NRXN3: variants seen among roughly 807,000 people sequenced by gnomAD.
NRXN3 encodes the protein neurexin 3, also known as neurexin III.
Under a neutral mutation model 137.6 loss-of-function variants are expected in NRXN3, and 32 were observed. The observed-to-expected ratio is 0.23, with a 90% CI of 0.18 to 0.31. The LOEUF is 0.31. Among genes scored for constraint, NRXN3 ranks in the 10% least tolerant of loss-of-function variants. The pLI, the probability that NRXN3 is intolerant of heterozygous loss-of-function variation, is 1.00. For synonymous variants in NRXN3, 798 were observed against 784.5 expected (o/e 1.02, Z -0.29); for missense variants, 1,574 against 2,062.5 (o/e 0.76, Z 4.59).
At chr14:78,181,653 T>TC (rs2059818069) in intron 1 of NRXN3, among the ~76,000 whole-genome samples, 1 of 151,972 alleles carries the variant, frequency 6.6e-6, no homozygotes, top group Admixed American at 6.6e-5. Flanking sequence ...AAAAAAAAAA[T>TC]CAGAGTAAAT....
chr14:79,642,264 C>T (rs1287768588), intron 16 of NRXN3, among the ~76,000 whole-genome samples: 1 of 135,566 alleles, frequency 7.4e-6, no homozygotes, highest in African/African-American at 2.5e-5. Flanking sequence ...GATTCTGTTC[C>T]ACTTAGCGAT....
intron 16 of NRXN3, among the ~76,000 whole-genome samples, chr14:79,596,631 C>G (rs2097861303): frequency 6.6e-6 from 1 of 152,010 alleles, no homozygotes; most frequent in Non-Finnish European, 1.5e-5. Flanking sequence ...GGCGAGAGAG[C>G]TTTATCACAG....
chr14:78,985,199 G>A (rs2099500084), intron 14 of NRXN3, among the ~76,000 whole-genome samples: 1 of 152,156 alleles, frequency 6.6e-6, no homozygotes, highest in African/African-American at 2.4e-5. Flanking sequence ...AGCAAATCAA[G>A]GGTGGTTACA....
At chr14:78,724,378 C>T (rs923298180) in intron 8 of NRXN3, among the ~76,000 whole-genome samples, 2 of 152,178 alleles carry the variant, frequency 1.3e-5, no homozygotes, top group Non-Finnish European at 2.9e-5. Context: ...AAACTTAAAA[C>T]CTAAAACTTG....
At chr14:78,591,665 A>G (rs2097117877) in intron 4 of NRXN3, among the ~76,000 whole-genome samples, 1 of 152,134 alleles carries the variant, frequency 6.6e-6, no homozygotes, top group African/African-American at 2.4e-5. Flanking sequence ...GGCCCTAGAG[A>G]TGTGCCCAGT....
chr14:78,852,578 T>C (rs180808397), intron 10 of NRXN3, among the ~76,000 whole-genome samples: 4 of 152,344 alleles, frequency 2.6e-5, no homozygotes. Flanking sequence ...CATATGTTCA[T>C]GTGTTTTATG....
At chr14:79,780,133 G>A (rs1433799052) in intron 19 of NRXN3, among the ~76,000 whole-genome samples, 1 of 151,674 alleles carries the variant, frequency 6.6e-6, no homozygotes, top group East Asian at 1.9e-4. Flanking sequence ...TATCCCTAAG[G>A]TTCCACAAGT....
At chr14:79,710,093 GTTGTTTT>G (rs2098797583) in intron 19 of NRXN3, among the ~76,000 whole-genome samples, 1 of 152,068 alleles carries the variant, frequency 6.6e-6, no homozygotes, top group African/African-American at 2.4e-5. Context: ...TATTGTTGCT[GTTGTTTT>G]CCATTTAAAG....
At chr14:79,594,311 T>A (rs138521625) in intron 16 of NRXN3, among the ~76,000 whole-genome samples, 2 of 152,260 alleles carry the variant, frequency 1.3e-5, no homozygotes, top group East Asian at 3.9e-4. Flanking sequence ...TGTGTTAGAA[T>A]TACACATCTT....
At chr14:79,288,328 G>T (rs2082621634) in intron 15 of NRXN3, among the ~76,000 whole-genome samples, 1 of 152,174 alleles carries the variant, frequency 6.6e-6, no homozygotes, top group Admixed American at 6.5e-5. Flanking sequence ...GCTGTGTTTA[G>T]CCATATCAGA....
intron 7 of NRXN3, among the ~76,000 whole-genome samples, chr14:78,712,516 C>T (rs2098414009): frequency 6.6e-6 from 1 of 152,142 alleles, no homozygotes; most frequent in African/African-American, 2.4e-5. Flanking sequence ...TGCTTCTACT[C>T]TTGTGTTGAC....
intron 10 of NRXN3, among the ~76,000 whole-genome samples, chr14:78,821,911 A>G (rs1447600329): frequency 6.6e-6 from 1 of 152,198 alleles, no homozygotes; most frequent in African/African-American, 2.4e-5. Context: ...TCCGGTCATC[A>G]TAAATAGAAA....
At chr14:79,582,017 C>T (rs1364509954) in intron 16 of NRXN3, among the ~76,000 whole-genome samples, 2 of 152,168 alleles carry the variant, frequency 1.3e-5, no homozygotes, top group East Asian at 1.9e-4. Context: ...GCCTTGGCCT[C>T]CCAGGCTCGT....
At chr14:79,596,704 G>A (rs117098322) in intron 16 of NRXN3, among the ~76,000 whole-genome samples, 3,525 of 152,180 alleles carry the variant, frequency 0.023, 72 homozygotes, top group Non-Finnish European at 0.035. Flanking sequence ...CTGTTTGGAA[G>A]GGAAGTTATC....
intron 8 of NRXN3, among the ~76,000 whole-genome samples, chr14:78,777,766 TAAAAA>T: frequency 6.6e-6 from 1 of 151,600 alleles, no homozygotes; most frequent in South Asian, 2.1e-4. Flanking sequence ...GATTTTTTTT[TAAAAA>T]TTTATTTTTG....
At chr14:78,485,570 A>G (rs2095548439) in intron 4 of NRXN3, among the ~76,000 whole-genome samples, 1 of 152,232 alleles carries the variant, frequency 6.6e-6, no homozygotes, top group Admixed American at 6.5e-5. Context: ...TAAATGCTCA[A>G]CAAATTGTTG....
intron 8 of NRXN3, among the ~76,000 whole-genome samples, chr14:78,725,831 T>A (rs899368389): frequency 1.3e-5 from 2 of 152,238 alleles, no homozygotes; most frequent in Non-Finnish European, 2.9e-5. Flanking sequence ...TATAGGAATA[T>A]GTACTCTTAT....
intron 16 of NRXN3, among the ~76,000 whole-genome samples, chr14:79,637,075 G>A (rs1263709097): frequency 6.6e-6 from 1 of 152,176 alleles, no homozygotes; most frequent in Non-Finnish European, 1.5e-5. Context: ...TGAGAGTGGA[G>A]CCAGAAAGCC....
chr14:79,699,519 C>T (rs951381494), intron 19 of NRXN3, among the ~76,000 whole-genome samples: 23 of 152,046 alleles, frequency 1.5e-4, no homozygotes, highest in Admixed American at 7.9e-4. Flanking sequence ...CACGGGGATT[C>T]GGGAACCAAG....
Sources: gnomAD v4.1 joint callset for allele counts (sites outside exome capture counted in the v4.1 genomes callset) on GRCh38, gnomAD v4.1.1 for gene constraint, MANE v1.5 for transcripts, NCBI Gene and HGNC (gene_info 2026-07-23, HGNC 2026-07-21) for gene names.